TMEM132B: variants seen among roughly 807,000 people sequenced by gnomAD.
TMEM132B encodes transmembrane protein 132B.
Under a neutral mutation model 90.8 loss-of-function variants are expected in TMEM132B, and 18 were observed. The observed-to-expected ratio is 0.20, with a 90% CI of 0.14 to 0.29. The LOEUF (loss-of-function observed/expected upper bound fraction) is 0.29. Ranked by LOEUF, TMEM132B falls within the 10% of genes least tolerant of loss-of-function variation. The probability of loss-of-function intolerance (pLI) is 1.00; values close to 1 mark genes in which losing one functional copy is unlikely to be tolerated. For missense variants in TMEM132B, 1,096 were observed against 1,326.8 expected, an observed-to-expected ratio of 0.83 and a Z score of 2.70; for synonymous variants, 504 against 523.3, an observed-to-expected ratio of 0.96 and a Z score of 0.50.
chr12:125,508,780 C>CTTT (rs756913141), intron 3 of TMEM132B, among the ~76,000 whole-genome samples: 1 of 135,968 alleles, frequency 7.4e-6, no homozygotes, highest in East Asian at 2.2e-4. Context: ...TTCTTTCTTT[C>CTTT]TTTTTTTTTT....
At chr12:125,634,155 C>T (rs1426819996) in intron 5 of TMEM132B, among the ~76,000 whole-genome samples, 4 of 152,192 alleles carry the variant, frequency 2.6e-5, no homozygotes, top group Non-Finnish European at 5.9e-5. Context: ...CGCAGTCCTT[C>T]CCCCTCTTCC....
At chr12:125,622,746 G>C in intron 5 of TMEM132B, 2 of 763,166 alleles carry the variant, frequency 2.6e-6, no homozygotes, top group Non-Finnish European at 3.2e-6. Flanking sequence ...TGGAGCAAGT[G>C]GTGGGGAGGA....
chr12:125,511,735 C>T (rs112414997), intron 3 of TMEM132B, among the ~76,000 whole-genome samples: 1,799 of 151,614 alleles, frequency 0.012, 11 homozygotes, highest in Middle Eastern at 0.034. Context: ...GCCTGTAGTC[C>T]CAGCTACTTG....
intron 1 of TMEM132B, among the ~76,000 whole-genome samples, chr12:125,276,867 T>A (rs1875005689): frequency 6.6e-6 from 1 of 152,176 alleles, no homozygotes; most frequent in Non-Finnish European, 1.5e-5. Context: ...GTTTGGACTG[T>A]TGAAAGGTAG....
chr12:125,273,170 A>G (rs1874893544), intron 1 of TMEM132B, among the ~76,000 whole-genome samples: 1 of 152,196 alleles, frequency 6.6e-6, no homozygotes, highest in Non-Finnish European at 1.5e-5. Context: ...ATCTCTATTT[A>G]TCTCTCTCTA....
intron 1 of TMEM132B, among the ~76,000 whole-genome samples, chr12:125,212,119 G>A (rs926497676): frequency 6.6e-6 from 1 of 152,084 alleles, no homozygotes; most frequent in African/African-American, 2.4e-5. Flanking sequence ...CGGCAGCTTG[G>A]GTCCTGACAT....
chr12:125,339,445 G>C (rs111522122), intron 1 of TMEM132B, among the ~76,000 whole-genome samples: 2 of 152,254 alleles, frequency 1.3e-5, no homozygotes, highest in African/African-American at 4.8e-5. Context: ...CCACATGTTG[G>C]CAAATAGAGC....
chr12:125,370,355 C>A (rs1009560841), intron 2 of TMEM132B, among the ~76,000 whole-genome samples: 21 of 152,222 alleles, frequency 1.4e-4, no homozygotes, highest in Admixed American at 1.3e-4. Flanking sequence ...CTATATTTCA[C>A]TCAGAAGGGA....
intron 2 of TMEM132B, among the ~76,000 whole-genome samples, chr12:125,365,955 A>G (rs1878120604): frequency 6.6e-6 from 1 of 152,050 alleles, no homozygotes; most frequent in Non-Finnish European, 1.5e-5. Flanking sequence ...GAATACTAAA[A>G]CTATTTCCTT....
chr12:125,338,645 C>T (rs1174305004), intron 1 of TMEM132B, among the ~76,000 whole-genome samples: 1 of 152,112 alleles, frequency 6.6e-6, no homozygotes, highest in Admixed American at 6.5e-5. Context: ...CTCCAGTGGG[C>T]AGAGTAGCCC....
chr12:125,515,695 ACACT>A (rs1488396003), intron 3 of TMEM132B, among the ~76,000 whole-genome samples: 1 of 149,184 alleles, frequency 6.7e-6, no homozygotes, highest in Non-Finnish European at 1.5e-5. Flanking sequence ...ATTCCCTCCC[ACACT>A]CACACAACAC....
chr12:125,225,373 A>G (rs1200224695), intron 1 of TMEM132B, among the ~76,000 whole-genome samples: 1 of 152,360 alleles, frequency 6.6e-6, no homozygotes, highest in African/African-American at 2.4e-5. Context: ...ATAGCAGAGC[A>G]TTAAGTCAAG....
intron 5 of TMEM132B, among the ~76,000 whole-genome samples, chr12:125,622,237 C>A (rs1886129094): frequency 6.6e-6 from 1 of 152,138 alleles, no homozygotes; most frequent in South Asian, 2.1e-4. Context: ...AAAAATATGG[C>A]TTAATTACAT....
At chr12:125,534,983 G>C (rs369828606) in intron 4 of TMEM132B, among the ~76,000 whole-genome samples, 1 of 152,212 alleles carries the variant, frequency 6.6e-6, no homozygotes, top group Admixed American at 6.5e-5. Flanking sequence ...GGAAAGATCT[G>C]TTGGACAGCG....
intron 3 of TMEM132B, among the ~76,000 whole-genome samples, chr12:125,519,114 T>G (rs1202999802): frequency 3.3e-5 from 5 of 152,158 alleles, no homozygotes; most frequent in Non-Finnish European, 7.4e-5. Context: ...GAACTTGGAC[T>G]GTGGCATGCC....
At chr12:125,532,857 A>C (rs1416410293) in intron 4 of TMEM132B, among the ~76,000 whole-genome samples, 1 of 152,168 alleles carries the variant, frequency 6.6e-6, no homozygotes, top group East Asian at 1.9e-4. Context: ...TTTTAAAAAA[A>C]CAAGTCACTG....
At chr12:125,323,346 G>A (rs1390403056) in intron 1 of TMEM132B, among the ~76,000 whole-genome samples, 4 of 152,132 alleles carry the variant, frequency 2.6e-5, no homozygotes. Flanking sequence ...TGAGGCAGAA[G>A]AATTGCTTGA....
In TMEM132B at chr12:125,460,440, C is replaced by T. The variant is rs1380890864; in HGVS notation, c.1106+44763C>T. On this transcript the variant is annotated intron_variant, in intron 3 of 8. Coordinates refer to ENST00000682704, the MANE Select transcript of TMEM132B (RefSeq NM_001366854.1). The surrounding 1 kb of genome is among the most constrained non-coding windows in gnomAD (Gnocchi z 4.4). ...CCAGGAGGTGGAGGTTGCAGTGAGC[C>T]GAGATCATGCCATTGCACTCCAGCC... Among the ~76,000 whole-genome samples, 3 of 151,806 alleles carry T rather than the reference C, an allele frequency of 2.0e-5. No individual in the cohort carries two copies. Among genetic ancestry groups the T allele is most frequent in the Non-Finnish European group, 4.4e-5 (3 of 67,966 alleles).
At chr12:125,496,876 T>A (rs1468845666) in intron 3 of TMEM132B, among the ~76,000 whole-genome samples, 2 of 152,190 alleles carry the variant, frequency 1.3e-5, no homozygotes, top group African/African-American at 2.4e-5. Context: ...GTATCATTGA[T>A]TAGGTTTCAG....
Sources: allele counts gnomAD v4.1 joint callset (sites outside exome capture counted in the v4.1 genomes callset), GRCh38; gene constraint gnomAD v4.1.1; non-coding constraint Gnocchi (gnomAD v3.1); transcripts MANE v1.5; gene names NCBI Gene and HGNC (gene_info 2026-07-23, HGNC 2026-07-21).